Variants in MAGI2 observed in about 807,000 individuals in gnomAD.
MAGI2 encodes membrane-associated guanylate kinase, WW and PDZ domain-containing protein 2.
MAGI2 carries 35 observed loss-of-function variants against 133.3 expected under a neutral mutation model. The ratio of observed to expected loss-of-function variants is 0.26; its 90% CI spans 0.20 to 0.35. The LOEUF is 0.35. Ranked by LOEUF, MAGI2 falls within the 10% of genes least tolerant of loss-of-function variation. The probability of loss-of-function intolerance (pLI) is 1.00; values close to 1 mark genes in which losing one functional copy is unlikely to be tolerated. For synonymous variants in MAGI2, 729 were observed against 710.6 expected (o/e 1.03, Z -0.41); for missense variants, 1,636 against 1,863.4 (o/e 0.88, Z 2.25).
At chr7:78,127,623 C>A (rs575533229) in intron 18 of MAGI2, among the ~76,000 whole-genome samples, 109 of 152,254 alleles carry the variant, frequency 7.2e-4, no homozygotes, top group Non-Finnish European at 1.1e-3. Context: ...TTTTATTTGG[C>A]TCCTTACGAA....
chr7:79,205,597 A>G (rs1237040740), intron 1 of MAGI2, among the ~76,000 whole-genome samples: 1 of 151,938 alleles, frequency 6.6e-6, no homozygotes, highest in Non-Finnish European at 1.5e-5. Flanking sequence ...AGAATACTCT[A>G]AGACTATAAT....
At chr7:79,195,686 A>G (rs923444588) in intron 1 of MAGI2, among the ~76,000 whole-genome samples, 9 of 151,902 alleles carry the variant, frequency 5.9e-5, no homozygotes, top group African/African-American at 1.9e-4. Context: ...GAGCATTCTC[A>G]GTGTTTAATT....
chr7:78,145,612 G>A lies in MAGI2; in HGVS notation c.2846-10406C>T, dbSNP rs563775344. Among the ~76,000 whole-genome samples, 7 of 152,104 alleles carry A rather than the reference G, an allele frequency of 4.6e-5. No individual in the cohort carries two copies. In the South Asian group the frequency reaches 1.5e-3, roughly 32 times the overall value. ...TTTGGCCCCCTGTTGTTCTCTTTTG[G>A]CCCTTCCTCCTTTTGCCATGGGATG... On this transcript the variant is annotated intron_variant, in intron 16 of 21. Transcript: ENST00000354212.
chr7:78,318,117 A>G (rs904958571), intron 9 of MAGI2, among the ~76,000 whole-genome samples: 1 of 152,214 alleles, frequency 6.6e-6, no homozygotes, highest in African/African-American at 2.4e-5. Context: ...TGGACAGAGA[A>G]TGAGTTTGAC....
At chr7:78,850,682 C>A (rs1793056236) in intron 2 of MAGI2, among the ~76,000 whole-genome samples, 1 of 152,052 alleles carries the variant, frequency 6.6e-6, no homozygotes, top group African/African-American at 2.4e-5. Context: ...AGGCACTGTG[C>A]ACTGGGGAAA....
intron 2 of MAGI2, among the ~76,000 whole-genome samples, chr7:78,704,778 C>CTTTTTTTTTTCCT (rs1554535243): frequency 2.3e-4 from 11 of 47,344 alleles, no homozygotes; most frequent in African/African-American, 4.0e-4. Flanking sequence ...GGCCATTATT[C>CTTTTTTTTTTCCT]TTTTTTTTTT....
chr7:79,189,956 T>C (rs565525180), intron 1 of MAGI2, among the ~76,000 whole-genome samples: 16 of 151,968 alleles, frequency 1.1e-4, no homozygotes, highest in African/African-American at 3.9e-4. Context: ...GCTTAATTAT[T>C]TATTTCTTTT....
At chr7:78,656,433 C>A (rs1374435627) in intron 2 of MAGI2, among the ~76,000 whole-genome samples, 1 of 152,044 alleles carries the variant, frequency 6.6e-6, no homozygotes, top group Non-Finnish European at 1.5e-5. Context: ...AAATAAGCCA[C>A]ACACAGAAAG....
At chr7:78,738,343 T>A (rs1027439662) in intron 2 of MAGI2, among the ~76,000 whole-genome samples, 3 of 151,890 alleles carry the variant, frequency 2.0e-5, no homozygotes, top group Non-Finnish European at 4.4e-5. Flanking sequence ...GATGTAATAT[T>A]TTAAGACTTT....
intron 9 of MAGI2, among the ~76,000 whole-genome samples, chr7:78,276,248 T>C (rs17150489): frequency 0.21 from 32,539 of 152,128 alleles, 3,701 homozygotes; most frequent in South Asian, 0.31. Context: ...AATTAAAATT[T>C]AGACTTAGCT....
chr7:78,652,833 C>G (rs866702156), intron 2 of MAGI2, among the ~76,000 whole-genome samples: 1 of 152,008 alleles, frequency 6.6e-6, no homozygotes, highest in Non-Finnish European at 1.5e-5. Context: ...AAACTATCAT[C>G]AGAGTGAACA....
chr7:78,528,133 C>T (rs952600782), intron 3 of MAGI2, among the ~76,000 whole-genome samples: 7 of 152,108 alleles, frequency 4.6e-5, no homozygotes, highest in South Asian at 2.1e-4. Context: ...GATATGTCTT[C>T]GTGTTGGAAA....
chr7:78,955,110 T>C (rs1173351111), intron 2 of MAGI2, among the ~76,000 whole-genome samples: 3 of 152,116 alleles, frequency 2.0e-5, no homozygotes, highest in Non-Finnish European at 4.4e-5. Context: ...GTCTCACTAT[T>C]ATGCAACTCT....
chr7:78,487,446 A>G (rs1474452686), intron 6 of MAGI2: 1 of 153,862 alleles, frequency 6.5e-6, no homozygotes, highest in East Asian at 1.9e-4. Flanking sequence ...TCTGATGTCC[A>G]TACATAAAAC....
chr7:79,402,397 G>A (rs1019910924), intron 1 of MAGI2, among the ~76,000 whole-genome samples: 22 of 152,208 alleles, frequency 1.4e-4, no homozygotes, highest in African/African-American at 5.3e-4. Flanking sequence ...TTCATTTCAT[G>A]TTTGTCTGTT....
At chr7:78,482,125 G>A (rs1792456442) in intron 6 of MAGI2, among the ~76,000 whole-genome samples, 1 of 151,808 alleles carries the variant, frequency 6.6e-6, no homozygotes, top group African/African-American at 2.4e-5. Context: ...ATATAGATAT[G>A]ACAAATAATC....
In MAGI2 at chr7:78,362,440, TAAGTGGGAATTATC is replaced by T. The variant is rs1792925461; in HGVS notation, c.1103+6702_1103+6715del. 5.9e-5 allele frequency among the ~76,000 whole-genome samples: 9 copies of T among 151,748 alleles called. No individual in the cohort carries two copies. The South Asian group carries it at 1.9e-3, about 32-fold the overall frequency. ...TGAGTAGTACAGAGGGTCGGGGAGGTAAGTGGGAATTATCAACTATGAACTATCAGAAAAGTTAA... is the reference window on the plus strand; with the variant it reads ...TGAGTAGTACAGAGGGTCGGGGAGGTAACTATGAACTATCAGAAAAGTTAA... On this transcript the variant is annotated intron_variant, in intron 7 of 21. Coordinates refer to ENST00000354212, the MANE Select transcript of MAGI2 (RefSeq NM_012301.4).
intron 3 of MAGI2, among the ~76,000 whole-genome samples, chr7:78,613,878 G>A (rs1200420841): frequency 6.6e-6 from 1 of 152,146 alleles, no homozygotes; most frequent in African/African-American, 2.4e-5. Flanking sequence ...GGAGGCTGAG[G>A]TGGGTGGATT....
At position 78,209,554 on chromosome 7, in the gene MAGI2, C is replaced by T. The variant is rs898447985; in HGVS notation, c.2048-8361G>A. ...GGGATTACAGGTGTGAGTCACCGTG[C>T]CTGGCCTGAAAGTCATTCTTAACAC... On this transcript the variant is annotated intron_variant, in intron 10 of 21. Transcript: ENST00000354212. Among the ~76,000 whole-genome samples the T allele has an allele frequency of 3.3e-5, 5 of 152,040 alleles. No individual in the cohort carries two copies. In the East Asian group the frequency reaches 5.9e-4, roughly 18 times the overall value.
Sources: gnomAD v4.1 joint callset for allele counts (sites outside exome capture counted in the v4.1 genomes callset) on GRCh38, gnomAD v4.1.1 for gene constraint, MANE v1.5 for transcripts, NCBI Gene and HGNC (gene_info 2026-07-23, HGNC 2026-07-21) for gene names.